Variants in THNSL1 observed in about 807,000 individuals in gnomAD.
The protein encoded by THNSL1 is threonine synthase like 1.
THNSL1 carries 48 observed loss-of-function variants against 50.4 expected under a neutral mutation model. The ratio of observed to expected loss-of-function variants is 0.95; its 90% CI spans 0.76 to 1.21. THNSL1 has a LOEUF of 1.21. Ranked by LOEUF, THNSL1 falls within the 50% of genes most tolerant of loss-of-function variation. The pLI is 0.00. For missense variants in THNSL1, 896 were observed against 871.7 expected, an observed-to-expected ratio of 1.03 and a Z score of -0.35; for synonymous variants, 309 against 306.1, an observed-to-expected ratio of 1.01 and a Z score of -0.10.
chr10:25,005,768 C>T, the THNSL1 span, among the ~76,000 whole-genome samples: 2 of 152,242 alleles, frequency 1.3e-5, no homozygotes, highest in Non-Finnish European at 2.9e-5. Context: ...TGTCATAGCT[C>T]TGATCTGCAC....
the THNSL1 span, among the ~76,000 whole-genome samples, chr10:24,964,789 A>G: frequency 6.6e-6 from 1 of 152,204 alleles, no homozygotes; most frequent in Non-Finnish European, 1.5e-5. Context: ...CAGGCTGAGC[A>G]GCGTGGCTCA....
the THNSL1 span, among the ~76,000 whole-genome samples, chr10:24,972,326 G>A: frequency 2.6e-5 from 4 of 151,746 alleles, no homozygotes; most frequent in Non-Finnish European, 4.4e-5. Context: ...TGGCCAACAT[G>A]GTGAAACACC....
chr10:25,007,425 T>C, the THNSL1 span, among the ~76,000 whole-genome samples: 8 of 152,196 alleles, frequency 5.3e-5, no homozygotes, highest in South Asian at 1.7e-3. Context: ...CTTATTTATT[T>C]ATTTATTTGT....
At chr10:25,017,027 C>A (rs111832741) in intron 1 of THNSL1, among the ~76,000 whole-genome samples, 1 of 152,180 alleles carries the variant, frequency 6.6e-6, no homozygotes, top group African/African-American at 2.4e-5. Flanking sequence ...CGCCCTCCCG[C>A]CCCTGCTCCC....
At chr10:24,957,152 C>T in the THNSL1 span, among the ~76,000 whole-genome samples, 1 of 152,170 alleles carries the variant, frequency 6.6e-6, no homozygotes, top group African/African-American at 2.4e-5. Flanking sequence ...CTACTCCTGC[C>T]ACTCCTCCCC....
chr10:25,000,442 CT>C, the THNSL1 span, among the ~76,000 whole-genome samples: 1 of 152,078 alleles, frequency 6.6e-6, no homozygotes, highest in African/African-American at 2.4e-5. Flanking sequence ...GTGGATTTGG[CT>C]ATTTCTTCTT....
At chr10:25,008,788 T>C in the THNSL1 span, among the ~76,000 whole-genome samples, 1 of 151,596 alleles carries the variant, frequency 6.6e-6, no homozygotes. Context: ...ATCATGCTGC[T>C]ATAAAGACAC....
intron 1 of THNSL1, among the ~76,000 whole-genome samples, chr10:25,020,309 A>C (rs989671011): frequency 1.4e-5 from 2 of 143,858 alleles, no homozygotes; most frequent in Non-Finnish European, 3.1e-5. Context: ...GAAAAAGGGA[A>C]GTGAAGTAAA....
chr10:25,004,763 A>T, the THNSL1 span, among the ~76,000 whole-genome samples: 1 of 152,212 alleles, frequency 6.6e-6, no homozygotes, highest in Admixed American at 6.5e-5. Flanking sequence ...TCTTTACTTT[A>T]ATTAGATCCC....
upstream of THNSL1, chr10:25,015,984 CCT>C (rs1850560766): frequency 4.4e-6 from 7 of 1,581,952 alleles, no homozygotes; most frequent in African/African-American, 5.4e-5. Flanking sequence ...CTTTTTTCTC[CCT>C]GTCCCAGTAT....
At chr10:24,999,632 TA>T in the THNSL1 span, 1 of 1,210,032 alleles carries the variant, frequency 8.3e-7, no homozygotes, top group East Asian at 2.6e-5. Flanking sequence ...CTTACATTTT[TA>T]ATTTATTTAA....
upstream of THNSL1, among the ~76,000 whole-genome samples, chr10:25,012,039 C>A (rs995892129): frequency 3.3e-5 from 5 of 152,188 alleles, no homozygotes; most frequent in Admixed American, 2.6e-4. Flanking sequence ...TGAGTCACAG[C>A]CATGGCTAAA....
chr10:24,990,652 C>T, the THNSL1 span: 2 of 1,557,434 alleles, frequency 1.3e-6, no homozygotes, highest in Non-Finnish European at 1.7e-6. Flanking sequence ...ATTTTGTATG[C>T]AATCTTACAT....
chr10:25,023,429 C>G lies in THNSL1; in HGVS notation c.206C>G (p.Thr69Arg). Residue 69 changes from threonine to arginine, a missense_variant, in exon 3 of 3, where the codon ACA becomes AGA. Coordinates refer to ENST00000376356, the MANE Select transcript of THNSL1 (RefSeq NM_024838.5). Reference protein sequence around the residue: ...ILMGPPGAGKTTVGRIIGQKL... With the variant: ...ILMGPPGAGKRTVGRIIGQKL... ...ATGGGACCTCCTGGTGCTGGGAAAA[C>G]AACAGTAGGCAGAATAATAGGTCAG... 6.2e-7 allele frequency: 1 copy of G among 1,614,060 alleles called. No homozygotes were observed. The highest frequency in any genetic ancestry group is 8.5e-7 in the Non-Finnish European group (1 of 1,179,988).
At chr10:24,995,057 T>C in the THNSL1 span, among the ~76,000 whole-genome samples, 4 of 152,152 alleles carry the variant, frequency 2.6e-5, no homozygotes, top group African/African-American at 9.7e-5. Flanking sequence ...TGTTCACCAA[T>C]GAAATTACAC....
At chr10:25,000,584 A>G in the THNSL1 span, among the ~76,000 whole-genome samples, 4 of 152,132 alleles carry the variant, frequency 2.6e-5, no homozygotes, top group African/African-American at 9.6e-5. Flanking sequence ...TCCTTTTAAA[A>G]TTCTGTGCTC....
chr10:25,021,010 C>G (rs1850708250), intron 1 of THNSL1, among the ~76,000 whole-genome samples: 1 of 152,140 alleles, frequency 6.6e-6, no homozygotes, highest in Admixed American at 6.6e-5. Context: ...TTTCTGGTCC[C>G]TGGTTTACTT....
the THNSL1 span, among the ~76,000 whole-genome samples, chr10:24,954,747 T>C: frequency 6.6e-6 from 1 of 152,224 alleles, no homozygotes; most frequent in Non-Finnish European, 1.5e-5. Flanking sequence ...ATTATCTTTG[T>C]ATATTTTGAT....
At chr10:24,954,215 C>A in the THNSL1 span, among the ~76,000 whole-genome samples, 4 of 152,096 alleles carry the variant, frequency 2.6e-5, no homozygotes, top group Non-Finnish European at 5.9e-5. Context: ...TTAGAGTTCA[C>A]AAGACTCTCC....
Sources: allele counts gnomAD v4.1 joint callset (sites outside exome capture counted in the v4.1 genomes callset), GRCh38; gene constraint gnomAD v4.1.1; transcripts MANE v1.5; gene names NCBI Gene and HGNC (gene_info 2026-07-23, HGNC 2026-07-21).